HSF2BP: variants seen among roughly 807,000 people sequenced by gnomAD.
HSF2BP encodes the protein heat shock transcription factor 2 binding protein.
A neutral mutation model predicts 35.0 loss-of-function variants in HSF2BP; 35 were observed. The ratio of observed to expected loss-of-function variants is 1.00; its 90% CI spans 0.76 to 1.32. The LOEUF (loss-of-function observed/expected upper bound fraction) is 1.32, where lower values mean the gene tolerates loss of function less well. HSF2BP is among the 40% of genes most tolerant of loss of function. The probability of loss-of-function intolerance (pLI) is 0.00; values close to 1 mark genes in which losing one functional copy is unlikely to be tolerated. For synonymous variants in HSF2BP, 114 were observed against 117.4 expected, an observed-to-expected ratio of 0.97 and a Z score of 0.18; for missense variants, 326 against 321.7, an observed-to-expected ratio of 1.01 and a Z score of -0.10.
At chr21:43,617,626 G>C (rs1286888577) in intron 6 of HSF2BP, among the ~76,000 whole-genome samples, 3 of 151,694 alleles carry the variant, frequency 2.0e-5, no homozygotes. Flanking sequence ...AGTGCTTATA[G>C]GTAATTCTAG....
chr21:43,656,834 A>G (rs909695549), intron 2 of HSF2BP, 97 bp from the exon 3 acceptor site: 3 of 980,896 alleles, frequency 3.1e-6, no homozygotes, highest in Admixed American at 2.2e-5. Flanking sequence ...TCTTATGTGC[A>G]TCGTTGTTTC....
intron 7 of HSF2BP, among the ~76,000 whole-genome samples, chr21:43,609,596 G>A (rs1462286338): frequency 6.6e-6 from 1 of 152,090 alleles, no homozygotes; most frequent in Non-Finnish European, 1.5e-5. Context: ...GGCAGGGGGA[G>A]GCCAGGAAGA....
intron 7 of HSF2BP, among the ~76,000 whole-genome samples, chr21:43,596,777 G>A (rs1189634145): frequency 6.6e-6 from 1 of 151,786 alleles, no homozygotes; most frequent in African/African-American, 2.4e-5. Context: ...TCAGCTACTC[G>A]GAAGGCTGAG....
At chr21:43,656,513 A>T in intron 3 of HSF2BP, 74 bp downstream of exon 3, 2 of 1,413,048 alleles carry the variant, frequency 1.4e-6, no homozygotes, top group Non-Finnish European at 1.9e-6. Context: ...ATTCGTTTAC[A>T]ATTATTTACC....
At chr21:43,596,792 G>A (rs1443352091) in intron 7 of HSF2BP, among the ~76,000 whole-genome samples, 2 of 151,370 alleles carry the variant, frequency 1.3e-5, no homozygotes, top group Middle Eastern at 3.4e-3. Flanking sequence ...GCTGAGGCAA[G>A]AGACTTACTT....
chr21:43,619,249 C>G (rs2082305757), intron 6 of HSF2BP, among the ~76,000 whole-genome samples: 1 of 152,212 alleles, frequency 6.6e-6, no homozygotes, highest in Non-Finnish European at 1.5e-5. Context: ...TACGGTATCT[C>G]TGAGGTATGG....
the HSF2BP span, among the ~76,000 whole-genome samples, chr21:43,496,332 AAGG>A: frequency 1.6e-5 from 1 of 64,202 alleles, no homozygotes; most frequent in East Asian, 3.9e-4. Context: ...GAAATTAAAC[AAGG>A]AGGTGAACGA....
chr21:43,630,451 T>C lies in HSF2BP; in HGVS notation c.445A>G (p.Lys149Glu), dbSNP rs762714999. ...GTGATGCTGAAAAACTTCAAAGCTTTATCCTGAAAGTTTGAAAATCAGAGT... is the reference window on the plus strand; with the variant it reads ...GTGATGCTGAAAAACTTCAAAGCTTCATCCTGAAAGTTTGAAAATCAGAGT... ...EVVKAILGGD[K>E]ALKFFSITGQ... Residue 149 changes from lysine (K) to glutamate (E), a missense_variant, in exon 6 of 9, where the codon AAA (lysine) becomes GAA (glutamate). Physicochemically the swap from Lys to Glu is moderately conservative, Grantham distance 56. Coordinates refer to ENST00000291560, the MANE Select transcript of HSF2BP (RefSeq NM_007031.2). 4.4e-6 allele frequency: 7 copies of C among 1,608,572 alleles called. No homozygotes were observed. The South Asian group carries it at 7.8e-5, about 18-fold the overall frequency.
At chr21:43,588,394 A>C (rs180690377) in intron 8 of HSF2BP, among the ~76,000 whole-genome samples, 79 of 152,016 alleles carry the variant, frequency 5.2e-4, no homozygotes, top group African/African-American at 1.8e-3. Context: ...TAAATAAATA[A>C]ATAAATAAGA....
chr21:43,596,442 G>A (rs1045794680), intron 7 of HSF2BP, among the ~76,000 whole-genome samples: 11 of 151,830 alleles, frequency 7.2e-5, no homozygotes, highest in Admixed American at 5.9e-4. Context: ...GAAAAAAATA[G>A]CTGCAGCAAT....
chr21:43,506,191 C>T, the HSF2BP span, among the ~76,000 whole-genome samples: 1 of 125,570 alleles, frequency 8.0e-6, no homozygotes, highest in Admixed American at 7.8e-5. Flanking sequence ...ACTTAGGACA[C>T]ACCACAAGCT....
chr21:43,626,454 C>T (rs759066200), intron 6 of HSF2BP, among the ~76,000 whole-genome samples: 3 of 152,122 alleles, frequency 2.0e-5, no homozygotes, highest in Non-Finnish European at 2.9e-5. Context: ...TGTAGATATG[C>T]GGCTGCAAAT....
chr21:43,652,533 A>G (rs1409966491), intron 3 of HSF2BP, among the ~76,000 whole-genome samples: 1 of 152,122 alleles, frequency 6.6e-6, no homozygotes, highest in Non-Finnish European at 1.5e-5. Flanking sequence ...GCCACAGTAC[A>G]ATCGTGAATT....
intron 3 of HSF2BP, among the ~76,000 whole-genome samples, chr21:43,652,267 A>G (rs143385316): frequency 0.041 from 6,195 of 152,000 alleles, 426 homozygotes; most frequent in African/African-American, 0.14. Flanking sequence ...GCCAGGCGTG[A>G]TGGCAGGCGC....
At chr21:43,590,682 T>A (rs575495909) in intron 8 of HSF2BP, among the ~76,000 whole-genome samples, 2 of 152,240 alleles carry the variant, frequency 1.3e-5, no homozygotes, top group South Asian at 4.1e-4. Context: ...TGGATAGACA[T>A]GGATGGGTCT....
At chr21:43,467,943 AC>A in the HSF2BP span, among the ~76,000 whole-genome samples, 3 of 79,428 alleles carry the variant, frequency 3.8e-5, no homozygotes, top group African/African-American at 5.1e-5. Context: ...ACACACACAC[AC>A]CACACACACC....
At chr21:43,645,451 A>G (rs1192406281) in intron 3 of HSF2BP, among the ~76,000 whole-genome samples, 2 of 152,212 alleles carry the variant, frequency 1.3e-5, no homozygotes, top group Non-Finnish European at 2.9e-5. Flanking sequence ...TAAAATGAAC[A>G]TGCAACACAT....
At chr21:43,583,860 G>GCCTGCTGAGGGAGATGAAGA (rs1355121973) in intron 8 of HSF2BP, among the ~76,000 whole-genome samples, 1 of 128,432 alleles carries the variant, frequency 7.8e-6, no homozygotes, top group African/African-American at 3.0e-5. Flanking sequence ...GAGATGAAGG[G>GCCTGCTGAGGGAGATGAAGA]CCTGCTGAGG....
chr21:43,602,491 C>G (rs1189108495), intron 7 of HSF2BP, among the ~76,000 whole-genome samples: 1 of 152,156 alleles, frequency 6.6e-6, no homozygotes, highest in Non-Finnish European at 1.5e-5. Context: ...CACAAAGAAC[C>G]CAGAAACTTT....
Sources: allele counts gnomAD v4.1 joint callset (sites outside exome capture counted in the v4.1 genomes callset), GRCh38; gene constraint gnomAD v4.1.1; transcripts MANE v1.5; gene names NCBI Gene and HGNC (gene_info 2026-07-23, HGNC 2026-07-21).